The following TRAPPC2 variants were observed in gnomAD, a reference collection of about 807,000 sequenced individuals.
TRAPPC2 encodes trafficking protein particle complex subunit 2.
In TRAPPC2, 4 loss-of-function variants were observed where a neutral mutation model predicts 10.0. The observed-to-expected ratio is 0.40, with a 90% CI of 0.20 to 0.92. TRAPPC2 has a LOEUF of 0.92. TRAPPC2 is among the 40% of genes least tolerant of loss of function. The pLI, the probability that TRAPPC2 is intolerant of heterozygous loss-of-function variation, is 0.35. For synonymous variants in TRAPPC2, 36 were observed against 37.3 expected (o/e 0.97, Z 0.12); for missense variants, 52 against 108.7 (o/e 0.48, Z 2.32).
intron 3 of TRAPPC2, 144 bp downstream of exon 3, chrX:13,719,727 C>T (rs1307482846): frequency 4.6e-6 from 2 of 435,211 alleles, no homozygotes; most frequent in African/African-American, 5.0e-5. Context: ...AGGACATACC[C>T]TGGCTGGCTT....
At chrX:13,720,374 T>C (rs2046382673) in intron 2 of TRAPPC2, 1 of 114,430 alleles carries the variant, frequency 8.7e-6, no homozygotes, top group Admixed American at 9.3e-5. Context: ...TAACAGAAGG[T>C]GGTGGTAAGT....
chrX:13,712,705 T>C lies in TRAPPC2; in HGVS notation c.*1702A>G, dbSNP rs1196871934. 1 of 112,090 alleles carries C rather than the reference T, an allele frequency of 8.9e-6. No homozygotes were observed. Among genetic ancestry groups the C allele is most frequent in the Non-Finnish European group, 1.9e-5 (1 of 53,220 alleles). The allele number at this position is 112,090 out of a possible 1,213,427, so 9.2% of individuals were successfully genotyped here. A position where few individuals can be genotyped will look rare whatever the true frequency, so the allele number is the denominator to read the frequency against. On this transcript the variant is annotated 3_prime_UTR_variant, in exon 6 of 6. Transcript: ENST00000380579. ...AAACATGATTTGGGTTCTCACATTA[T>C]AGCAGGATCACTATTCCTAGCCTCT...
chrX:13,717,034 T>TAAAAAAAA (rs1175025577), intron 3 of TRAPPC2, among the ~76,000 whole-genome samples: 15 of 37,942 alleles, frequency 4.0e-4, no homozygotes, highest in East Asian at 1.0e-3. Context: ...GATACTATGT[T>TAAAAAAAA]AAAAAAAAAA....
rs2046232905 is a variant in TRAPPC2, at chrX:13,712,678, A to G, written c.*1729T>C. The G allele has an allele frequency of 8.9e-6, 1 of 111,969 alleles. No individual in the cohort carries two copies. Among genetic ancestry groups the G allele is most frequent in the Non-Finnish European group, 1.9e-5 (1 of 53,192 alleles). The allele number at this position is 111,969 out of a possible 1,213,427, so 9.2% of individuals were successfully genotyped here. The stretch of plus-strand genomic sequence containing the variant: ...GCAACTGCTCCCAGCGTCCTATTTT[A>G]TAAACATGATTTGGGTTCTCACATT... On this transcript the variant is annotated 3_prime_UTR_variant, in exon 6 of 6. Coordinates refer to ENST00000380579, the MANE Select transcript of TRAPPC2 (RefSeq NM_001011658.4).
At chrX:13,723,802 T>C (rs1232597726) in intron 2 of TRAPPC2, among the ~76,000 whole-genome samples, 6 of 110,390 alleles carry the variant, frequency 5.4e-5, no homozygotes, top group Non-Finnish European at 1.1e-4. Context: ...AGCAGAACAG[T>C]GGCCCCTCTC....
At chrX:13,720,305 G>A (rs1165935416) in intron 2 of TRAPPC2, 1 of 134,799 alleles carries the variant, frequency 7.4e-6, no homozygotes, top group Non-Finnish European at 1.5e-5. Context: ...GTCTGGTAGA[G>A]TAAGCTGGGC....
At chrX:13,720,491 C>A (rs763371474) in intron 2 of TRAPPC2, 2 of 112,579 alleles carry the variant, frequency 1.8e-5, no homozygotes, top group Middle Eastern at 4.6e-3. Context: ...TACCTCATGT[C>A]ACTTACCTAG....
At chrX:13,729,666 T>C (rs1192942654) in intron 2 of TRAPPC2, among the ~76,000 whole-genome samples, 1 of 111,880 alleles carries the variant, frequency 8.9e-6, no homozygotes, top group Non-Finnish European at 1.9e-5. Flanking sequence ...CCCGGCACTT[T>C]GGGAGGCTGA....
rs1341331306 is a variant in TRAPPC2 at position 13,712,288 on chromosome X, T to C, written c.*2119A>G. ...TTAAGAAATCAAATAGGGTAAAAAT[T>C]ATGCAATTTCACACAAGGATACAAG... is the stretch of plus-strand genomic sequence containing the variant. On this transcript the variant is annotated 3_prime_UTR_variant, in exon 6 of 6. Coordinates refer to ENST00000380579, the MANE Select transcript of TRAPPC2 (RefSeq NM_001011658.4). The C allele has an allele frequency of 9.0e-6, 1 of 111,460 alleles. No individual in the cohort carries two copies. Among genetic ancestry groups the C allele is most frequent in the East Asian group, 2.8e-4 (1 of 3,613 alleles). 9.2% of individuals were successfully genotyped at this position (111,460 alleles called of 1,213,427 possible). A position where few individuals can be genotyped will look rare whatever the true frequency, so the allele number is the denominator to read the frequency against.
chrX:13,723,865 G>A (rs186909374), intron 2 of TRAPPC2, among the ~76,000 whole-genome samples: 151 of 111,226 alleles, frequency 1.4e-3, no homozygotes, highest in Non-Finnish European at 2.5e-3. Context: ...TAGGGCCCAC[G>A]GCAAAGAGGA....
At chrX:13,722,181 A>ACTT (rs2046422906) in intron 2 of TRAPPC2, 1 of 91,241 alleles carries the variant, frequency 1.1e-5, no homozygotes. Flanking sequence ...AGGGCTTCTT[A>ACTT]CTTTCTTCAG....
rs1408223952 is a variant in TRAPPC2 at position 13,728,323 on chromosome X, C to T, written c.-20+5721G>A. The stretch of plus-strand genomic sequence containing the variant: ...AAAAGAGAATTTTAGACCAATATCC[C>T]CGATGAACATTGATGCGAAAATCCT... On this transcript the variant is annotated intron_variant, in intron 2 of 5. Transcript: ENST00000380579. 3.6e-5 allele frequency among the ~76,000 whole-genome samples: 4 copies of T among 111,861 alleles called. No homozygotes were observed. In the East Asian group the frequency reaches 1.1e-3, roughly 31 times the overall value.
At position 13,714,143 on chromosome X, in the gene TRAPPC2, GAAAA is replaced by G. The variant is rs1057515794; in HGVS notation, c.*260_*263del. 17 of 62,683 alleles carry G rather than the reference GAAAA, an allele frequency of 2.7e-4. No individual in the cohort carries two copies. Among genetic ancestry groups the G allele is most frequent in the East Asian group, 1.3e-3 (3 of 2,384 alleles). 5.2% of individuals were successfully genotyped at this position (62,683 alleles called of 1,213,427 possible). A position where few individuals can be genotyped will look rare whatever the true frequency, so the allele number is the denominator to read the frequency against. On this transcript the variant is annotated 3_prime_UTR_variant, in exon 6 of 6. Transcript: ENST00000380579. ...GGCAACAGAGTGAGACTCTGTATCA[GAAAA>G]AAAAAAAAAAAAAAAACATGATTAT...
intron 2 of TRAPPC2, among the ~76,000 whole-genome samples, chrX:13,730,225 G>GAA (rs772338405): frequency 3.0e-5 from 3 of 101,232 alleles, no homozygotes; most frequent in African/African-American, 7.2e-5. Context: ...AAATTTATAA[G>GAA]AAAAAAAAAA....
rs907654731 is a variant in TRAPPC2 at position 13,727,333 on chromosome X, T to C, written c.-20+6711A>G. Among the ~76,000 whole-genome samples the C allele has an allele frequency of 7.1e-5, 8 of 112,110 alleles. No homozygotes were observed. The South Asian group carries it at 1.1e-3, about 15-fold the overall frequency. On this transcript the variant is annotated intron_variant, in intron 2 of 5. Coordinates refer to ENST00000380579, the MANE Select transcript of TRAPPC2 (RefSeq NM_001011658.4). Reference sequence around the variant, plus strand: ...GCACCACATTGCACTTATTCTAAAATTGACTACATAATTGGAAGTAAAGCA... The same window carrying C: ...GCACCACATTGCACTTATTCTAAAACTGACTACATAATTGGAAGTAAAGCA...
At chrX:13,718,249 C>T (rs906711768) in intron 3 of TRAPPC2, among the ~76,000 whole-genome samples, 1 of 113,168 alleles carries the variant, frequency 8.8e-6, no homozygotes, top group African/African-American at 3.2e-5. Context: ...TGGAGGAGGG[C>T]GGCCCGTTGC....
intron 2 of TRAPPC2, among the ~76,000 whole-genome samples, chrX:13,732,316 G>A (rs1361829658): frequency 8.9e-6 from 1 of 112,219 alleles, no homozygotes; most frequent in Admixed American, 9.4e-5. Flanking sequence ...AACAGAGGAT[G>A]TTTAAACGGA....
At chrX:13,722,208 C>CCAAAAAAAA (rs1555898002) in intron 2 of TRAPPC2, 1 of 36,116 alleles carries the variant, frequency 2.8e-5, no homozygotes, top group African/African-American at 1.2e-4. Context: ...TAAGCAGCAG[C>CCAAAAAAAA]AAAAAAAAAA....
In TRAPPC2 at chrX:13,714,123, C is replaced by T. The variant is rs1280920430; in HGVS notation, c.*284G>A. ...GCGCCACTGCACTCCAGCCTGGCAA[C>T]AGAGTGAGACTCTGTATCAGAAAAA... On this transcript the variant is annotated 3_prime_UTR_variant, in exon 6 of 6. Transcript: ENST00000380579. 2 of 109,650 alleles carry T rather than the reference C, an allele frequency of 1.8e-5. No individual in the cohort carries two copies. The highest frequency in any genetic ancestry group is 3.2e-5 in the Non-Finnish European group (2 of 62,544). 9.0% of individuals were successfully genotyped at this position (109,650 alleles called of 1,213,427 possible). A position where few individuals can be genotyped will look rare whatever the true frequency, so the allele number is the denominator to read the frequency against.
Sources: gnomAD v4.1 joint callset for allele counts (sites outside exome capture counted in the v4.1 genomes callset) on GRCh38, gnomAD v4.1.1 for gene constraint, MANE v1.5 for transcripts, NCBI Gene and HGNC (gene_info 2026-07-23, HGNC 2026-07-21) for gene names.